Variants in ABCG1 observed in about 807,000 individuals in gnomAD.
The protein encoded by ABCG1 is ATP-binding cassette sub-family G member 1.
Under a neutral mutation model 69.2 loss-of-function variants are expected in ABCG1, and 29 were observed. The ratio of observed to expected loss-of-function variants is 0.42; its 90% CI spans 0.31 to 0.57. ABCG1 has a LOEUF of 0.57. ABCG1 is among the 20% of genes least tolerant of loss of function. ABCG1 has a pLI of 0.15. For synonymous variants in ABCG1, 370 were observed against 374.8 expected (o/e 0.99, Z 0.15); for missense variants, 718 against 898.1 (o/e 0.80, Z 2.56).
At chr21:42,213,248 C>A (rs2067606951), upstream of ABCG1, among the ~76,000 whole-genome samples, 1 of 152,226 alleles carries the variant, frequency 6.6e-6, no homozygotes, top group Non-Finnish European at 1.5e-5. Context: ...GTCTGGGGGA[C>A]AGAACTATGC....
chr21:42,252,496 G>A (rs987578916), intron 2 of ABCG1, among the ~76,000 whole-genome samples: 22 of 152,092 alleles, frequency 1.4e-4, no homozygotes, highest in African/African-American at 4.3e-4. Context: ...CAGGGCCGCC[G>A]GGCAGCTGGG....
At chr21:42,217,276 C>A (rs1353283177), upstream of ABCG1, among the ~76,000 whole-genome samples, 1 of 152,132 alleles carries the variant, frequency 6.6e-6, no homozygotes, top group Non-Finnish European at 1.5e-5. Context: ...TGGGCACATT[C>A]CTGGAAGTGA....
At chr21:42,268,910 C>T (rs2068566009) in intron 2 of ABCG1, among the ~76,000 whole-genome samples, 1 of 152,166 alleles carries the variant, frequency 6.6e-6, no homozygotes, top group African/African-American at 2.4e-5. Flanking sequence ...GGGTGATCAT[C>T]GGGTGCCCCA....
intron 5 of ABCG1, among the ~76,000 whole-genome samples, chr21:42,278,887 AC>A (rs1052639125): frequency 1.3e-5 from 2 of 151,648 alleles, no homozygotes; most frequent in African/African-American, 4.9e-5. Flanking sequence ...CAGTTTTGCC[AC>A]CCCCCAGTCC....
intron 2 of ABCG1, among the ~76,000 whole-genome samples, chr21:42,206,500 T>C (rs2067543802): frequency 6.6e-6 from 1 of 152,250 alleles, no homozygotes; most frequent in Non-Finnish European, 1.5e-5. Context: ...GATACTTGAA[T>C]GTGCATTCTT....
chr21:42,272,522 C>T (rs1349776982), intron 3 of ABCG1, among the ~76,000 whole-genome samples: 1 of 152,232 alleles, frequency 6.6e-6, no homozygotes, highest in Non-Finnish European at 1.5e-5. Context: ...GTAGATTCGC[C>T]TCTGTTTTAT....
Position 42,276,787 on chromosome 21 carries a change from C to A in ABCG1, c.538-108C>A, listed in dbSNP as rs1371705879. ...TGCACCGTGGCTAGTGGCACTGTGG[C>A]TAGCTGCATCTTGGCTAGCTGCACC... On this transcript the variant is annotated intron_variant, in intron 4 of 14. Coordinates refer to ENST00000398449, the MANE Select transcript of ABCG1 (RefSeq NM_016818.3). The surrounding 1 kb of genome is among the most constrained non-coding windows in gnomAD (Gnocchi z 5.3). 3.5e-6 allele frequency: 4 copies of A among 1,138,512 alleles called. No individual in the cohort carries two copies. Among genetic ancestry groups the A allele is most frequent in the Admixed American group, 1.8e-5 (1 of 56,262 alleles). 70.5% of individuals were successfully genotyped at this position (1,138,512 alleles called of 1,614,324 possible).
chr21:42,241,161 G>A (rs1407259082), intron 2 of ABCG1, among the ~76,000 whole-genome samples: 1 of 152,258 alleles, frequency 6.6e-6, no homozygotes, highest in East Asian at 1.9e-4. Context: ...AGACGTGACT[G>A]CCTGTCAGGA....
rs116495364 is a variant in ABCG1, at chr21:42,274,435, C to A, written c.537+1000C>A. Among the ~76,000 whole-genome samples, 160 of 150,838 alleles carry A rather than the reference C, an allele frequency of 1.1e-3. 1 individual carries two copies. Among genetic ancestry groups the A allele is most frequent in the African/African-American group, 3.6e-3 (147 of 40,932 alleles). On this transcript the variant is annotated intron_variant, in intron 4 of 14. Coordinates refer to ENST00000398449, the MANE Select transcript of ABCG1 (RefSeq NM_016818.3). Reference sequence around the variant, plus strand: ...AGCTGGTTGTGCTCCTTGGACAGACCGCGACCCAGCCAAGTGCCATGCATC... The same window carrying A: ...AGCTGGTTGTGCTCCTTGGACAGACAGCGACCCAGCCAAGTGCCATGCATC...
chr21:42,288,017 T>C lies in ABCG1; in HGVS notation c.1102T>C (p.Trp368Arg). 1 of 1,612,074 alleles carries C rather than the reference T, an allele frequency of 6.2e-7. No individual in the cohort carries two copies. Among genetic ancestry groups the C allele is most frequent in the Non-Finnish European group, 8.5e-7 (1 of 1,178,808 alleles). Reference sequence around the variant, plus strand: ...TGATGCCGAGGTGAACCCTTTTCTTTGGCACCGGCCCTCTGAAGAGGTAAA... The same window carrying C: ...TGATGCCGAGGTGAACCCTTTTCTTCGGCACCGGCCCTCTGAAGAGGTAAA... Reference protein sequence around the residue: ...GGDAEVNPFLWHRPSEEDSSS... With the variant: ...GGDAEVNPFLRHRPSEEDSSS... The change falls in exon 9 of 15, where the codon TGG becomes CGG. Residue 368 changes from tryptophan (W) to arginine (R), a missense_variant. Around this residue, in one of 2 missense-constraint regions of ABCG1, gnomAD observed 514 missense variants for 574.3 expected, o/e 0.90. Coordinates refer to ENST00000398449, the MANE Select transcript of ABCG1 (RefSeq NM_016818.3). The surrounding 1 kb of genome is among the most constrained non-coding windows in gnomAD (Gnocchi z 4.8).
intron 2 of ABCG1, among the ~76,000 whole-genome samples, chr21:42,210,817 G>A (rs2067581286): frequency 6.6e-6 from 1 of 152,176 alleles, no homozygotes. Context: ...GGTGAAGAAG[G>A]GGTCCTCTCT....
At chr21:42,260,164 CG>C in intron 2 of ABCG1, 1 of 1,550,492 alleles carries the variant, frequency 6.4e-7, no homozygotes, top group Non-Finnish European at 8.7e-7. Flanking sequence ...TGTTGCTTCT[CG>C]GGTGAAGCTG....
intron 2 of ABCG1, among the ~76,000 whole-genome samples, chr21:42,254,139 G>C (rs2068265603): frequency 6.6e-6 from 1 of 152,154 alleles, no homozygotes; most frequent in African/African-American, 2.4e-5. Flanking sequence ...TGAATGTGAG[G>C]GAGACCCCAG....
chr21:42,205,157 G>C (rs557426598), intron 2 of ABCG1, among the ~76,000 whole-genome samples: 4 of 152,236 alleles, frequency 2.6e-5, no homozygotes, highest in Non-Finnish European at 5.9e-5. Flanking sequence ...GTTGTCAAAT[G>C]CATGATTGCA....
chr21:42,280,889 C>T (rs576469010), intron 5 of ABCG1, among the ~76,000 whole-genome samples: 1 of 152,364 alleles, frequency 6.6e-6, no homozygotes, highest in East Asian at 1.9e-4. Flanking sequence ...GCTCTGCCCA[C>T]CTTGCACGCC....
intron 2 of ABCG1, chr21:42,260,241 C>T (rs772856555): frequency 3.3e-6 from 5 of 1,526,010 alleles, no homozygotes; most frequent in Admixed American, 4.1e-5. Context: ...CATTGGGCGG[C>T]AAGCATTTCT....
At position 42,225,690 on chromosome 21, in the gene ABCG1, C is replaced by T. The variant is rs2067804138; in HGVS notation, c.62C>T (p.Ala21Val). The change falls in exon 2 of 15, where the codon GCA (alanine) becomes GTA (valine). Residue 21 changes from alanine to valine, a missense_variant. Ala to Val is a moderately conservative substitution (Grantham distance 64). Transcript: ENST00000398449. ...GTAMNASSYS[A>V]EMTEPKSVCV... is the part of the protein sequence containing the mutation. Reference sequence around the variant, plus strand: ...TTCTAGAATGCCAGCAGTTACTCTGCAGAGATGACGGAGCCCAAGTCGGTG... The same window carrying T: ...TTCTAGAATGCCAGCAGTTACTCTGTAGAGATGACGGAGCCCAAGTCGGTG... The T allele has an allele frequency of 1.2e-6, 2 of 1,612,202 alleles. No individual in the cohort carries two copies. The highest frequency in any genetic ancestry group is 1.7e-6 in the Non-Finnish European group (2 of 1,179,754).
chr21:42,282,094 G>A (rs1005826832), intron 5 of ABCG1, among the ~76,000 whole-genome samples, 180 bp from the exon 6 acceptor site: 1 of 152,240 alleles, frequency 6.6e-6, no homozygotes, highest in African/African-American at 2.4e-5. Flanking sequence ...TGTGGAAATG[G>A]CACCTGCCCC....
At chr21:42,220,503 C>CGGTATACTGT (rs2067707799) in intron 1 of ABCG1, among the ~76,000 whole-genome samples, 1 of 152,150 alleles carries the variant, frequency 6.6e-6, no homozygotes, top group African/African-American at 2.4e-5. Context: ...TACTGTAGAA[C>CGGTATACTGT]ATACGGAGCC....
Sources: allele counts gnomAD v4.1 joint callset (sites outside exome capture counted in the v4.1 genomes callset), GRCh38; gene constraint gnomAD v4.1.1; regional missense constraint gnomAD v4.1.1; non-coding constraint Gnocchi (gnomAD v3.1); transcripts MANE v1.5; gene names NCBI Gene and HGNC (gene_info 2026-07-23, HGNC 2026-07-21).